Variants in C1orf87 observed in about 807,000 individuals in gnomAD.
C1orf87 encodes the protein chromosome 1 open reading frame 87.
Under a neutral mutation model 60.5 loss-of-function variants are expected in C1orf87, and 58 were observed. The observed-to-expected ratio is 0.96, with a 90% CI of 0.78 to 1.19. The LOEUF (loss-of-function observed/expected upper bound fraction) is 1.19, where lower values mean the gene tolerates loss of function less well. C1orf87 is among the 50% of genes most tolerant of loss of function. C1orf87 has a pLI of 0.00. For synonymous variants in C1orf87, 236 were observed against 227.4 expected, an observed-to-expected ratio of 1.04 and a Z score of -0.34; for missense variants, 673 against 638.6, an observed-to-expected ratio of 1.05 and a Z score of -0.58.
chr1:60,021,482 C>T (rs1340034670), intron 8 of C1orf87, among the ~76,000 whole-genome samples: 1 of 152,158 alleles, frequency 6.6e-6, no homozygotes, highest in Non-Finnish European at 1.5e-5. Flanking sequence ...CTTCAAGTTG[C>T]TCATGAGATA....
chr1:60,033,882 A>G (rs1177574827), intron 6 of C1orf87, among the ~76,000 whole-genome samples: 1 of 152,172 alleles, frequency 6.6e-6, no homozygotes, highest in Non-Finnish European at 1.5e-5. Context: ...GCACCAACCA[A>G]TCTGACTACA....
At chr1:60,065,972 A>G (rs935883439) in intron 2 of C1orf87, among the ~76,000 whole-genome samples, 6 of 152,170 alleles carry the variant, frequency 3.9e-5, no homozygotes, top group Admixed American at 2.0e-4. Context: ...TTATATTTAC[A>G]CTATACTGTA....
At chr1:59,998,666 C>G (rs748810887) in intron 10 of C1orf87, among the ~76,000 whole-genome samples, 5 of 151,936 alleles carry the variant, frequency 3.3e-5, no homozygotes, top group Non-Finnish European at 7.4e-5. Flanking sequence ...CAAAATGAAC[C>G]AAAAACCCAT....
At chr1:60,014,749 G>T (rs1574301567) in intron 8 of C1orf87, among the ~76,000 whole-genome samples, 3 of 152,108 alleles carry the variant, frequency 2.0e-5, no homozygotes, top group Admixed American at 6.6e-5. Context: ...ATAATGAACA[G>T]TATGTACAGT....
At chr1:60,039,887 C>A in intron 5 of C1orf87, 30 bp downstream of exon 5, 1 of 1,590,136 alleles carries the variant, frequency 6.3e-7, no homozygotes, top group Non-Finnish European at 8.5e-7. Context: ...ACAAAAGGAA[C>A]CCACACTTCC....
chr1:60,036,385 C>A (rs1220224832), intron 6 of C1orf87, among the ~76,000 whole-genome samples: 1 of 152,170 alleles, frequency 6.6e-6, no homozygotes, highest in African/African-American at 2.4e-5. Context: ...TACCTTCTTC[C>A]TAGAGTAAAA....
intron 3 of C1orf87, among the ~76,000 whole-genome samples, chr1:60,042,955 G>C (rs185736579): frequency 5.3e-5 from 8 of 152,278 alleles, no homozygotes; most frequent in Admixed American, 3.9e-4. Flanking sequence ...GGGTCTGAAG[G>C]GAATGGCATC....
chr1:60,040,433 C>T (rs556319489), intron 4 of C1orf87, among the ~76,000 whole-genome samples: 97 of 152,344 alleles, frequency 6.4e-4, no homozygotes, highest in African/African-American at 2.3e-3. Context: ...GATGCTTTAA[C>T]ATACATCATT....
chr1:60,009,838 T>C lies in C1orf87; in HGVS notation c.1192+554A>G, dbSNP rs200830348. ...GTTACAATTTTCACTTAATAATATG[T>C]CTTGGAAATCTTCCTGTAGCAACCC... On this transcript the variant is annotated intron_variant, in intron 9 of 11. Transcript: ENST00000371201. Among the ~76,000 whole-genome samples, 6 of 152,096 alleles carry C rather than the reference T, an allele frequency of 3.9e-5. No homozygotes were observed. The East Asian group carries it at 1.2e-3, about 29-fold the overall frequency.
Position 60,069,350 on chromosome 1 carries a change from C to T in C1orf87, c.107+3187G>A, listed in dbSNP as rs549075194. On this transcript the variant is annotated intron_variant, in intron 2 of 11. Transcript: ENST00000371201. ...GCTGAGGTTCTGTTTCTAACAAGTTCCCAGCTAAGACTGATGCTGGAGATC... is the reference window on the plus strand; with the variant it reads ...GCTGAGGTTCTGTTTCTAACAAGTTTCCAGCTAAGACTGATGCTGGAGATC... Among the ~76,000 whole-genome samples, 3 of 152,162 alleles carry T rather than the reference C, an allele frequency of 2.0e-5. No homozygotes were observed. In the East Asian group the frequency reaches 5.8e-4, roughly 29 times the overall value.
intron 10 of C1orf87, among the ~76,000 whole-genome samples, chr1:59,999,355 T>C (rs1302830067): frequency 6.6e-6 from 1 of 152,178 alleles, no homozygotes; most frequent in African/African-American, 2.4e-5. Context: ...TATAGTAAAT[T>C]AGAATAGTGA....
intron 3 of C1orf87, among the ~76,000 whole-genome samples, chr1:60,042,010 C>T (rs1379636676): frequency 6.6e-6 from 1 of 152,194 alleles, no homozygotes; most frequent in Non-Finnish European, 1.5e-5. Context: ...CACCTAAACC[C>T]CAGAGAAAGG....
intron 2 of C1orf87, among the ~76,000 whole-genome samples, chr1:60,068,878 T>A (rs1372389748): frequency 6.6e-6 from 1 of 152,204 alleles, no homozygotes; most frequent in Non-Finnish European, 1.5e-5. Flanking sequence ...ATGTTACTCA[T>A]CAGGATTGCA....
intron 8 of C1orf87, among the ~76,000 whole-genome samples, chr1:60,020,507 G>A (rs1195937955): frequency 6.6e-6 from 1 of 152,200 alleles, no homozygotes; most frequent in African/African-American, 2.4e-5. Context: ...CTCTGGATGT[G>A]AGACATAGAA....
At chr1:60,012,417 A>G (rs914995514) in intron 8 of C1orf87, among the ~76,000 whole-genome samples, 2 of 152,048 alleles carry the variant, frequency 1.3e-5, no homozygotes, top group African/African-American at 4.8e-5. Context: ...TTTTAACTAT[A>G]TTGCCTGATT....
intron 11 of C1orf87, 78 bp from the exon 12 acceptor site, chr1:59,990,911 A>G (rs1644917587): frequency 7.1e-7 from 1 of 1,416,326 alleles, no homozygotes; most frequent in Admixed American, 2.0e-5. Flanking sequence ...ATTAGCTTGA[A>G]TGACTTCCAG....
intron 6 of C1orf87, among the ~76,000 whole-genome samples, chr1:60,036,140 G>C (rs529969786): frequency 2.0e-5 from 3 of 152,288 alleles, no homozygotes; most frequent in South Asian, 4.1e-4. Context: ...TATTTGACTG[G>C]AATGCCTAGA....
chr1:60,026,103 A>T (rs188483365), intron 7 of C1orf87, among the ~76,000 whole-genome samples: 32 of 152,310 alleles, frequency 2.1e-4, no homozygotes, highest in Admixed American at 6.5e-4. Flanking sequence ...GTTCTGAACT[A>T]GTACAAACCA....
chr1:60,032,294 AT>A (rs1645243855), intron 7 of C1orf87, among the ~76,000 whole-genome samples: 1 of 152,112 alleles, frequency 6.6e-6, no homozygotes, highest in African/African-American at 2.4e-5. Flanking sequence ...ACTCAATGGA[AT>A]CATCCAGATA....
Sources: gnomAD v4.1 joint callset for allele counts (sites outside exome capture counted in the v4.1 genomes callset) on GRCh38, gnomAD v4.1.1 for gene constraint, MANE v1.5 for transcripts, NCBI Gene and HGNC (gene_info 2026-07-23, HGNC 2026-07-21) for gene names.